ACSF3: variants seen among roughly 807,000 people sequenced by gnomAD.
ACSF3 encodes the protein malonate--CoA ligase ACSF3, mitochondrial.
ACSF3 carries 78 observed loss-of-function variants against 53.2 expected under a neutral mutation model. The observed-to-expected ratio is 1.47, with a 90% CI of 1.22 to 1.77. ACSF3 has a LOEUF of 1.77. Ranked by LOEUF, ACSF3 falls within the 40% of genes most tolerant of loss-of-function variation. The pLI is 0.00. For synonymous variants in ACSF3, 414 were observed against 333.1 expected (o/e 1.24, Z -2.65); for missense variants, 937 against 771.1 (o/e 1.22, Z -2.55).
At chr16:89,151,035 G>C (rs779734623) in intron 10 of ACSF3, 1 of 1,289,074 alleles carries the variant, frequency 7.8e-7, no homozygotes, top group South Asian at 1.2e-5. Flanking sequence ...CAGGTTGAAA[G>C]AACACCCAAC....
chr16:89,136,163 C>T (rs959964412), intron 8 of ACSF3, among the ~76,000 whole-genome samples: 10 of 152,214 alleles, frequency 6.6e-5, no homozygotes, highest in Non-Finnish European at 4.4e-5. Context: ...TTTTGCGAGT[C>T]GCGGGGCTCC....
Position 89,155,380 on chromosome 16 carries a change from A to T in ACSF3, c.*1173A>T, listed in dbSNP as rs61507207. 1 of 451,922 alleles carries T rather than the reference A, an allele frequency of 2.2e-6. No individual in the cohort carries two copies. Among genetic ancestry groups the T allele is most frequent in the South Asian group, 1.6e-5 (1 of 64,444 alleles). The allele number at this position is 451,922 out of a possible 1,614,324, so 28.0% of individuals were successfully genotyped here. On this transcript the variant is annotated 3_prime_UTR_variant, in exon 11 of 11. Coordinates refer to ENST00000614302, the MANE Select transcript of ACSF3 (RefSeq NM_001243279.3). ...GTGCCTCTGACAGGAGACCAGCCCCATCTCAGGCTCACATGCCTCGCGGAC... is the reference window on the plus strand; with the variant it reads ...GTGCCTCTGACAGGAGACCAGCCCCTTCTCAGGCTCACATGCCTCGCGGAC...
intron 6 of ACSF3, 128 bp from the exon 7 acceptor site, chr16:89,120,673 C>T (rs992084674): frequency 1.6e-5 from 14 of 878,858 alleles, no homozygotes; most frequent in Admixed American, 8.5e-5. Context: ...CAGGGCACGT[C>T]GCTCCCTCCA....
intron 8 of ACSF3, among the ~76,000 whole-genome samples, chr16:89,138,169 C>T (rs936443593): frequency 2.0e-5 from 3 of 152,146 alleles, no homozygotes; most frequent in Non-Finnish European, 4.4e-5. Flanking sequence ...GTCGTGGTCC[C>T]GGCCCACAGC....
intron 8 of ACSF3, chr16:89,145,027 G>C (rs571702040): frequency 9.0e-7 from 1 of 1,106,438 alleles, no homozygotes; most frequent in South Asian, 1.4e-5. Context: ...CCACAGGAAG[G>C]GCAGACCCCA....
intron 5 of ACSF3, 40 bp from the exon 6 acceptor site, chr16:89,114,299 G>C: frequency 6.2e-7 from 1 of 1,612,578 alleles, no homozygotes. Context: ...CGAGAGCCAC[G>C]TCCCAAGGGG....
At chr16:89,111,347 A>G (rs986057292) in intron 4 of ACSF3, among the ~76,000 whole-genome samples, 3 of 152,246 alleles carry the variant, frequency 2.0e-5, no homozygotes, top group Non-Finnish European at 2.9e-5. Context: ...TGAGGAGATG[A>G]GATGGGCTGG....
At chr16:89,122,958 C>G (rs1907013035) in intron 7 of ACSF3, 1 of 152,324 alleles carries the variant, frequency 6.6e-6, no homozygotes. Flanking sequence ...CCTGGGCACC[C>G]TGACAGTCAG....
rs540273781 is a variant in ACSF3, at chr16:89,136,006, C to A, written c.1366+2744C>A. 1.6e-4 allele frequency among the ~76,000 whole-genome samples: 25 copies of A among 152,360 alleles called. No individual in the cohort carries two copies. In the East Asian group the frequency reaches 4.4e-3, roughly 27 times the overall value. On this transcript the variant is annotated intron_variant, in intron 8 of 10. Coordinates refer to ENST00000614302, the MANE Select transcript of ACSF3 (RefSeq NM_001243279.3). ...GCCAGGCTGGTCTCGAGCTCCTGGC[C>A]TCAGGTGATCCGCCCGCCTCGGCCT...
Position 89,120,866 on chromosome 16 carries a change from G to A in ACSF3, c.1192G>A (p.Ala398Thr), listed in dbSNP as rs771312218. Residue 398 changes from alanine to threonine, a missense_variant, in exon 7 of 11, where the codon GCC becomes ACC. By Grantham distance (58) the Ala-to-Thr change is moderately conservative. Coordinates refer to ENST00000614302, the MANE Select transcript of ACSF3 (RefSeq NM_001243279.3). ...TGTCTCAGAAAACCCACAGAGGGAA[G>A]CCTGCTCCTACACCATCCACGCAGA... The part of the protein sequence containing the change: ...RIVSENPQRE[A>T]CSYTIHAEGD... 1.2e-6 allele frequency: 2 copies of A among 1,614,106 alleles called. No homozygotes were observed. Among genetic ancestry groups the A allele is most frequent in the Non-Finnish European group, 1.7e-6 (2 of 1,180,006 alleles).
intron 8 of ACSF3, among the ~76,000 whole-genome samples, chr16:89,139,187 C>T (rs971931032): frequency 1.3e-5 from 2 of 152,186 alleles, no homozygotes; most frequent in Non-Finnish European, 2.9e-5. Flanking sequence ...CTTTGTTTTC[C>T]AGAGTCGGGA....
At chr16:89,116,899 G>A (rs372792490) in intron 6 of ACSF3, among the ~76,000 whole-genome samples, 2 of 152,192 alleles carry the variant, frequency 1.3e-5, no homozygotes, top group East Asian at 3.9e-4. Flanking sequence ...TTCTTCGGTG[G>A]CTAAAGCTCT....
At position 89,093,945 on chromosome 16, in the gene ACSF3, G is replaced by C. The variant is rs1246610568; in HGVS notation, c.-245G>C. 1 of 326,078 alleles carries C rather than the reference G, an allele frequency of 3.1e-6. No individual in the cohort carries two copies. The highest frequency in any genetic ancestry group is 2.1e-5 in the South Asian group (1 of 47,178). The allele number at this position is 326,078 out of a possible 1,614,324, so 20.2% of individuals were successfully genotyped here. ...CCGGCGCGCGCGCGGCGGAGGACGA[G>C]GAAGAGTTGTGGCGAGGCAGATCCT... On this transcript the variant is annotated 5_prime_UTR_variant, in exon 1 of 11. Coordinates refer to ENST00000614302, the MANE Select transcript of ACSF3 (RefSeq NM_001243279.3).
rs768294145 is a variant in ACSF3 at position 89,114,377 on chromosome 16, T to C, written c.1016T>C (p.Val339Ala). Residue 339 changes from valine (V) to alanine (A), a missense_variant, in exon 6 of 11, where the codon GTG becomes GCG. Val to Ala is a moderately conservative substitution (Grantham distance 64). Transcript: ENST00000614302. The stretch of plus-strand genomic sequence containing the variant: ...GGCTCAGCTGCCCTGCCCCTCCCAG[T>C]GCTGGAGAAGTGGAAGAACATCACG... ...VSGSAALPLP[V>A]LEKWKNITGH... 9.9e-6 allele frequency: 16 copies of C among 1,613,930 alleles called. No homozygotes were observed. The African/African-American group carries it at 2.0e-4, about 20-fold the overall frequency.
intron 7 of ACSF3, among the ~76,000 whole-genome samples, chr16:89,123,503 C>T (rs905049156): frequency 2.6e-5 from 4 of 152,176 alleles, no homozygotes; most frequent in Admixed American, 2.6e-4. Context: ...GAGGCTGTGG[C>T]CGACAGCTGG....
chr16:89,112,663 C>T (rs1269301611), intron 5 of ACSF3, among the ~76,000 whole-genome samples: 1 of 152,076 alleles, frequency 6.6e-6, no homozygotes, highest in Non-Finnish European at 1.5e-5. Context: ...CTCTATCTCT[C>T]CTGTCTCTCC....
At chr16:89,114,651 C>A in intron 6 of ACSF3, 164 bp downstream of exon 6, 1 of 988,224 alleles carries the variant, frequency 1.0e-6, no homozygotes, top group Non-Finnish European at 1.5e-6. Flanking sequence ...GCACTGCGAC[C>A]TGTCCCCTCT....
intron 10 of ACSF3, chr16:89,149,423 G>C (rs890060039): frequency 2.0e-5 from 3 of 151,322 alleles, no homozygotes; most frequent in Admixed American, 2.0e-4. Flanking sequence ...TGCCAACCGG[G>C]GACCTCCGTG....
At chr16:89,145,812 G>A in intron 9 of ACSF3, 126 bp from the exon 10 acceptor site, 2 of 860,550 alleles carry the variant, frequency 2.3e-6, no homozygotes, top group Non-Finnish European at 4.0e-6. Context: ...ATTGGAGTGG[G>A]GCCTGTCCAA....
Sources: gnomAD v4.1 joint callset for allele counts (sites outside exome capture counted in the v4.1 genomes callset) on GRCh38, gnomAD v4.1.1 for gene constraint, MANE v1.5 for transcripts, NCBI Gene and HGNC (gene_info 2026-07-23, HGNC 2026-07-21) for gene names.